CTNNA3: variants seen among roughly 807,000 people sequenced by gnomAD.
The protein encoded by CTNNA3 is catenin alpha-3.
CTNNA3 carries 76 observed loss-of-function variants against 95.7 expected under a neutral mutation model. The observed-to-expected ratio is 0.79, with a 90% CI of 0.66 to 0.96. The LOEUF is 0.96. CTNNA3 is among the 40% of genes least tolerant of loss of function. The pLI is 0.00. For synonymous variants in CTNNA3, 431 were observed against 374.4 expected (o/e 1.15, Z -1.74); for missense variants, 1,191 against 1,089.8 (o/e 1.09, Z -1.31).
intron 15 of CTNNA3, among the ~76,000 whole-genome samples, chr10:66,028,747 A>T (rs888489660): frequency 6.6e-5 from 10 of 151,932 alleles, no homozygotes; most frequent in African/African-American, 1.2e-4. Context: ...AGTATAATTT[A>T]AAAAAAAGGG....
intron 7 of CTNNA3, among the ~76,000 whole-genome samples, chr10:66,933,809 G>T (rs1290566411): frequency 6.6e-6 from 1 of 152,108 alleles, no homozygotes; most frequent in Non-Finnish European, 1.5e-5. Flanking sequence ...ATGACAAAAG[G>T]CTTCCTCCGC....
chr10:66,334,115 A>G (rs2092366097), intron 12 of CTNNA3, among the ~76,000 whole-genome samples: 1 of 151,784 alleles, frequency 6.6e-6, no homozygotes, highest in Non-Finnish European at 1.5e-5. Flanking sequence ...TTTTGAGCCC[A>G]TGTGTGTCTC....
chr10:66,332,667 G>C (rs1049828522), intron 12 of CTNNA3, among the ~76,000 whole-genome samples: 1 of 152,018 alleles, frequency 6.6e-6, no homozygotes, highest in Non-Finnish European at 1.5e-5. Context: ...ATGTTCATCA[G>C]GGATATTGGT....
At chr10:67,120,118 T>C (rs1449575221) in intron 7 of CTNNA3, among the ~76,000 whole-genome samples, 1 of 151,878 alleles carries the variant, frequency 6.6e-6, no homozygotes, top group East Asian at 1.9e-4. Flanking sequence ...AGAAGTCAGA[T>C]CTGCAAATCC....
chr10:66,170,848 A>G (rs2085387013), intron 13 of CTNNA3, among the ~76,000 whole-genome samples: 1 of 152,138 alleles, frequency 6.6e-6, no homozygotes, highest in Non-Finnish European at 1.5e-5. Context: ...AATATCTAAC[A>G]AGGGGCTGGG....
At chr10:66,458,379 T>C (rs1237416880) in intron 11 of CTNNA3, among the ~76,000 whole-genome samples, 1 of 152,198 alleles carries the variant, frequency 6.6e-6, no homozygotes, top group Admixed American at 6.5e-5. Flanking sequence ...TCTTCACTTT[T>C]AAAAAGTGTT....
chr10:66,508,182 T>TG (rs1840520710), intron 11 of CTNNA3, among the ~76,000 whole-genome samples: 1 of 142,484 alleles, frequency 7.0e-6, no homozygotes, highest in East Asian at 2.0e-4. Flanking sequence ...CAGCTCTTGT[T>TG]TTTTTTTTTT....
chr10:66,395,348 A>G (rs1318872913), intron 11 of CTNNA3, among the ~76,000 whole-genome samples: 1 of 152,050 alleles, frequency 6.6e-6, no homozygotes, highest in Non-Finnish European at 1.5e-5. Flanking sequence ...AATTTTCCAC[A>G]GGTATGACAA....
At chr10:66,590,684 G>C (rs1843519516) in intron 10 of CTNNA3, among the ~76,000 whole-genome samples, 1 of 152,078 alleles carries the variant, frequency 6.6e-6, no homozygotes, top group African/African-American at 2.4e-5. Flanking sequence ...TAACATGTGA[G>C]GATAATGTTA....
chr10:66,985,094 G>C (rs1473529190), intron 7 of CTNNA3, among the ~76,000 whole-genome samples: 1 of 152,050 alleles, frequency 6.6e-6, no homozygotes, highest in Non-Finnish European at 1.5e-5. Context: ...TTCCTTCCTA[G>C]ATATTTTCCT....
intron 11 of CTNNA3, among the ~76,000 whole-genome samples, chr10:66,435,716 G>C (rs542368927): frequency 3.0e-4 from 45 of 152,166 alleles, no homozygotes; most frequent in Non-Finnish European, 5.9e-4. Flanking sequence ...CTTGTCTCCT[G>C]TTAGCTTTTG....
At chr10:67,056,196 G>A (rs1459155948) in intron 7 of CTNNA3, among the ~76,000 whole-genome samples, 2 of 152,090 alleles carry the variant, frequency 1.3e-5, no homozygotes, top group Admixed American at 6.6e-5. Context: ...GATTAACTGA[G>A]CTTTAATAAA....
intron 5 of CTNNA3, among the ~76,000 whole-genome samples, chr10:67,266,250 T>A (rs1354882712): frequency 6.6e-6 from 1 of 152,148 alleles, no homozygotes; most frequent in Non-Finnish European, 1.5e-5. Context: ...CAATTCAACT[T>A]ACACTTCATC....
chr10:66,359,822 A>G (rs1171428367), intron 12 of CTNNA3, among the ~76,000 whole-genome samples: 1 of 123,626 alleles, frequency 8.1e-6, no homozygotes, highest in African/African-American at 2.9e-5. Context: ...TGTACCAATC[A>G]TCTTACTATT....
At chr10:67,699,505 T>A (rs966249597), upstream of CTNNA3, among the ~76,000 whole-genome samples, 1 of 152,202 alleles carries the variant, frequency 6.6e-6, no homozygotes, top group Admixed American at 6.5e-5. Flanking sequence ...CTTCTCCTGT[T>A]GCCAATAATT....
At chr10:66,509,827 T>C (rs924631238) in intron 11 of CTNNA3, among the ~76,000 whole-genome samples, 1 of 151,966 alleles carries the variant, frequency 6.6e-6, no homozygotes, top group Non-Finnish European at 1.5e-5. Context: ...AACTATATTA[T>C]ATTTTGTACT....
intron 9 of CTNNA3, among the ~76,000 whole-genome samples, chr10:66,731,567 A>G (rs1016784184): frequency 6.6e-6 from 1 of 152,128 alleles, no homozygotes; most frequent in African/African-American, 2.4e-5. Context: ...ACCTACAACC[A>G]CATTTTTGTT....
chr10:66,099,764 C>G (rs185395440), intron 14 of CTNNA3, among the ~76,000 whole-genome samples: 1 of 152,256 alleles, frequency 6.6e-6, no homozygotes, highest in South Asian at 2.1e-4. Flanking sequence ...ATCCTTTGCT[C>G]TGTCCTCTTT....
At chr10:66,237,446 G>T (rs1309961938) in intron 13 of CTNNA3, among the ~76,000 whole-genome samples, 2 of 151,544 alleles carry the variant, frequency 1.3e-5, no homozygotes, top group Admixed American at 1.3e-4. Flanking sequence ...ATCCTCCTTG[G>T]CCCGAAATGC....
Sources: allele counts gnomAD v4.1 joint callset (sites outside exome capture counted in the v4.1 genomes callset), GRCh38; gene constraint gnomAD v4.1.1; transcripts MANE v1.5; gene names NCBI Gene and HGNC (gene_info 2026-07-23, HGNC 2026-07-21).